The following KLHL20 variants were observed in gnomAD, a reference collection of about 807,000 sequenced individuals.
KLHL20 encodes kelch like family member 20.
In KLHL20, 29 loss-of-function variants were observed where a neutral mutation model predicts 69.5. That is an observed-to-expected ratio of 0.42 (90% CI 0.31 to 0.57). The LOEUF (loss-of-function observed/expected upper bound fraction) is 0.57, where lower values mean the gene tolerates loss of function less well. Ranked by LOEUF, KLHL20 falls within the 20% of genes least tolerant of loss-of-function variation. The probability of loss-of-function intolerance (pLI) is 0.18; values close to 1 mark genes in which losing one functional copy is unlikely to be tolerated. For missense variants in KLHL20, 419 were observed against 776.0 expected, an observed-to-expected ratio of 0.54 and a Z score of 5.47; for synonymous variants, 253 against 265.2, an observed-to-expected ratio of 0.95 and a Z score of 0.45.
At chr1:173,720,760 A>G (rs1170879557) in intron 2 of KLHL20, among the ~76,000 whole-genome samples, 2 of 152,184 alleles carry the variant, frequency 1.3e-5, no homozygotes, top group East Asian at 3.8e-4. Context: ...AGATAGTGTT[A>G]TAAATGACTC....
chr1:173,728,249 C>T (rs1672076659), intron 2 of KLHL20, among the ~76,000 whole-genome samples: 1 of 152,140 alleles, frequency 6.6e-6, no homozygotes, highest in South Asian at 2.1e-4. Context: ...AAAGCAAGTC[C>T]TTAGAGACCT....
intron 8 of KLHL20, among the ~76,000 whole-genome samples, chr1:173,767,450 C>T (rs1647803969): frequency 6.6e-6 from 1 of 152,042 alleles, no homozygotes; most frequent in Admixed American, 6.6e-5. Flanking sequence ...TTTAATTTTT[C>T]GAGGAACCTC....
At chr1:173,718,277 A>G (rs1671552205) in intron 2 of KLHL20, among the ~76,000 whole-genome samples, 1 of 151,760 alleles carries the variant, frequency 6.6e-6, no homozygotes, top group Admixed American at 6.6e-5. Flanking sequence ...AGTGGCTCAC[A>G]CCTGTAATCC....
chr1:173,733,951 GC>G lies in KLHL20; in HGVS notation c.264del (p.Cys89ValfsTer21). On this transcript the variant is annotated frameshift_variant, in exon 3 of 12. Transcript: ENST00000209884. LOFTEE classifies it high-confidence loss of function. Reference protein sequence around the residue: ...KIYAHRVILSACSPYFRAMFT... With the variant: ...KIYAHRVILSXCSPYFRAMFT... ...ATATGCCCATCGAGTCATTTTGTCA[GC>G]CTGTAGTCCCTACTTCCGAGCTATG... 1 of 1,614,220 alleles carries G rather than the reference GC, an allele frequency of 6.2e-7. No individual in the cohort carries two copies. Among genetic ancestry groups the G allele is most frequent in the Non-Finnish European group, 8.5e-7 (1 of 1,180,044 alleles).
rs2102479055 is a variant in KLHL20 at position 173,738,502 on chromosome 1, T to G, written c.597+4216T>G. ...CCCTTTATTTCTTTCTCTTGTGTGA[T>G]TGCTTTGCCTAGGACTTAAAGTACT... is the stretch of plus-strand genomic sequence containing the variant. On this transcript the variant is annotated intron_variant, in intron 3 of 11. Transcript: ENST00000209884. Among the ~76,000 whole-genome samples, 4 of 152,272 alleles carry G rather than the reference T, an allele frequency of 2.6e-5. No homozygotes were observed. The South Asian group carries it at 8.3e-4, about 32-fold the overall frequency.
intron 7 of KLHL20, among the ~76,000 whole-genome samples, chr1:173,760,532 C>G (rs1029995092): frequency 2.0e-5 from 3 of 152,172 alleles, no homozygotes; most frequent in Non-Finnish European, 4.4e-5. Flanking sequence ...AGCAGAAACC[C>G]TATAAGCTAG....
chr1:173,734,066 C>T lies in KLHL20; in HGVS notation c.377C>T (p.Ala126Val). The change falls in exon 3 of 12, where the codon GCG becomes GTG. Residue 126 changes from alanine (A) to valine (V), a missense_variant. Physicochemically the swap from Ala to Val is moderately conservative, Grantham distance 64. Transcript: ENST00000209884. ...GCTATGGAATTACTGATTGACTTTG[C>T]GTATACCTCCCAGATAACAGTAGAA... ...ERAMELLIDF[A>V]YTSQITVEEG... is the part of the protein sequence containing the mutation. 8 of 1,614,144 alleles carry T rather than the reference C, an allele frequency of 5.0e-6. No homozygotes were observed. Among genetic ancestry groups the T allele is most frequent in the Non-Finnish European group, 6.8e-6 (8 of 1,180,020 alleles).
At chr1:173,730,359 G>GA (rs1209998883) in intron 2 of KLHL20, among the ~76,000 whole-genome samples, 3 of 151,872 alleles carry the variant, frequency 2.0e-5, no homozygotes, top group Admixed American at 1.3e-4. Context: ...CACAGAATTG[G>GA]AAAAAACTAC....
At chr1:173,723,048 A>T (rs543960734) in intron 2 of KLHL20, among the ~76,000 whole-genome samples, 1 of 152,344 alleles carries the variant, frequency 6.6e-6, no homozygotes, top group East Asian at 1.9e-4. Context: ...CATTGTACTT[A>T]GGTGAAATAA....
rs200997125 is a variant in KLHL20, at chr1:173,748,113, AAG to A, written c.598-3649_598-3648del. 1.1e-3 allele frequency among the ~76,000 whole-genome samples: 173 copies of A among 152,218 alleles called. 3 individuals carry two copies. In the East Asian group the frequency reaches 0.021, roughly 18 times the overall value. ...GAAAACACAAATTACAAAAACTAAGAAGAAACAGAAAAACAGAATAACCCTAT... is the reference window on the plus strand; with the variant it reads ...GAAAACACAAATTACAAAAACTAAGAAAACAGAAAAACAGAATAACCCTAT... On this transcript the variant is annotated intron_variant, in intron 3 of 11. Transcript: ENST00000209884.
chr1:173,731,865 T>TA (rs907255079), intron 2 of KLHL20, among the ~76,000 whole-genome samples: 1 of 151,664 alleles, frequency 6.6e-6, no homozygotes, highest in East Asian at 1.9e-4. Context: ...AAAGTATAAT[T>TA]AAAAAAACAT....
At position 173,734,218 on chromosome 1, in the gene KLHL20, G is replaced by C; in HGVS notation, c.529G>C (p.Ala177Pro). The C allele has an allele frequency of 6.2e-7, 1 of 1,614,166 alleles. No individual in the cohort carries two copies. Among genetic ancestry groups the C allele is most frequent in the Non-Finnish European group, 8.5e-7 (1 of 1,180,040 alleles). Residue 177 changes from alanine to proline, a missense_variant, in exon 3 of 12, where the codon GCT (alanine) becomes CCT (proline). Coordinates refer to ENST00000209884, the MANE Select transcript of KLHL20 (RefSeq NM_014458.4). ...TAACTGCCTGGGCATTCGGGCTTTT[G>C]CTGACACACATTCATGTCGTGAGTT... ...PSNCLGIRAF[A>P]DTHSCRELLR...
At chr1:173,735,551 A>T (rs968370560) in intron 3 of KLHL20, among the ~76,000 whole-genome samples, 5 of 152,120 alleles carry the variant, frequency 3.3e-5, no homozygotes, top group East Asian at 3.8e-4. Flanking sequence ...ACAACTTTTT[A>T]AAAAATCATA....
At chr1:173,766,347 T>G in intron 8 of KLHL20, 58 bp downstream of exon 8, 3 of 1,443,788 alleles carry the variant, frequency 2.1e-6, no homozygotes, top group African/African-American at 1.5e-5. Context: ...TAGAGCTCTT[T>G]AAAAGAAAAA....
At chr1:173,727,482 G>A (rs1672032686) in intron 2 of KLHL20, among the ~76,000 whole-genome samples, 1 of 152,152 alleles carries the variant, frequency 6.6e-6, no homozygotes, top group Non-Finnish European at 1.5e-5. Flanking sequence ...AGGAAAAAAT[G>A]TTAAGGGCAG....
intron 10 of KLHL20, among the ~76,000 whole-genome samples, chr1:173,776,284 GT>G (rs1428111588): frequency 1.3e-5 from 2 of 152,006 alleles, no homozygotes; most frequent in African/African-American, 2.4e-5. Context: ...TGGATTATTA[GT>G]TTTTTTCTAT....
At position 173,782,142 on chromosome 1, in the gene KLHL20, A is replaced by T. The variant is rs1466462477; in HGVS notation, c.1657A>T (p.Asn553Tyr). The T allele has an allele frequency of 1.8e-5, 29 of 1,613,994 alleles. No homozygotes were observed. The highest frequency in any genetic ancestry group is 2.5e-5 in the Non-Finnish European group (29 of 1,179,968). ...TTTGTAGGTTGGCCTGGCAGTGGTC[A>T]ATGGACAGCTCATGGCAGTAGGAGG... is the stretch of plus-strand genomic sequence containing the variant. ...RRSGVGLAVV[N>Y]GQLMAVGGFD... The change falls in exon 11 of 12, where the codon AAT becomes TAT. Residue 553 changes from asparagine to tyrosine, a missense_variant. Physicochemically the swap from Asn to Tyr is moderately radical, Grantham distance 143. Around this residue, in one of 6 missense-constraint regions of KLHL20, gnomAD observed 79 missense variants for 154.4 expected, o/e 0.51. Coordinates refer to ENST00000209884, the MANE Select transcript of KLHL20 (RefSeq NM_014458.4).
At chr1:173,765,286 G>A (rs1647619516) in intron 7 of KLHL20, among the ~76,000 whole-genome samples, 1 of 152,124 alleles carries the variant, frequency 6.6e-6, no homozygotes, top group South Asian at 2.1e-4. Context: ...GGTGGATCAC[G>A]AGGTCAGGAG....
intron 2 of KLHL20, among the ~76,000 whole-genome samples, chr1:173,719,546 C>G (rs1380818526): frequency 6.6e-6 from 1 of 151,688 alleles, no homozygotes; most frequent in African/African-American, 2.4e-5. Flanking sequence ...TTGAACCCAG[C>G]AGGTGGAGGT....
Sources: gnomAD v4.1 joint callset for allele counts (sites outside exome capture counted in the v4.1 genomes callset) on GRCh38, gnomAD v4.1.1 for gene constraint, gnomAD v4.1.1 regional missense constraint, MANE v1.5 for transcripts, NCBI Gene and HGNC (gene_info 2026-07-23, HGNC 2026-07-21) for gene names.